TMEM165: variants seen among roughly 807,000 people sequenced by gnomAD.
TMEM165 encodes transmembrane protein 165, also known as putative divalent cation/proton antiporter TMEM165.
Under a neutral mutation model 30.0 loss-of-function variants are expected in TMEM165, and 19 were observed. The observed-to-expected ratio is 0.63, with a 90% CI of 0.44 to 0.93. The LOEUF is 0.93. Among genes scored for constraint, TMEM165 ranks in the 40% least tolerant of loss-of-function variants. The pLI, the probability that TMEM165 is intolerant of heterozygous loss-of-function variation, is 0.00. For synonymous variants in TMEM165, 168 were observed against 162.9 expected (o/e 1.03, Z -0.24); for missense variants, 340 against 417.0 (o/e 0.82, Z 1.61).
At chr4:55,443,976 G>T in intron 3 of TMEM165, 1 of 1,286,782 alleles carries the variant, frequency 7.8e-7, no homozygotes, top group Non-Finnish European at 1.1e-6. Flanking sequence ...GCAAAATCAA[G>T]CTACAAAGTA....
rs977061 is a variant in TMEM165 at position 55,399,494 on chromosome 4, T to C, written c.207+3098T>C. 4.2e-3 allele frequency among the ~76,000 whole-genome samples: 647 copies of C among 152,320 alleles called. 6 individuals are homozygous for C. The highest frequency in any genetic ancestry group is 0.015 in the African/African-American group (619 of 41,566). Reference sequence around the variant, plus strand: ...ATTTATTTTAAAACAATAACTATTTTGGATTAAGTTAATTGTGTGAGTGAG... The same window carrying C: ...ATTTATTTTAAAACAATAACTATTTCGGATTAAGTTAATTGTGTGAGTGAG... On this transcript the variant is annotated intron_variant, in intron 1 of 5. Transcript: ENST00000381334.
intron 1 of TMEM165, chr4:55,403,094 A>G: frequency 2.6e-6 from 1 of 378,830 alleles, no homozygotes; most frequent in Non-Finnish European, 4.6e-6. Context: ...CCGGCCCCTA[A>G]AAAAAGCTTT....
At chr4:55,444,315 T>C (rs1403816791) in intron 3 of TMEM165, among the ~76,000 whole-genome samples, 1 of 152,214 alleles carries the variant, frequency 6.6e-6, no homozygotes, top group East Asian at 1.9e-4. Flanking sequence ...GATTGATTTA[T>C]AAATTCTGTA....
At chr4:55,417,655 G>GT in intron 3 of TMEM165, 148 bp from the exon 4 acceptor site, 1 of 656,200 alleles carries the variant, frequency 1.5e-6, no homozygotes, top group South Asian at 2.0e-5. Flanking sequence ...GAGACCAGTG[G>GT]TTCAGAGGGG....
intron 1 of TMEM165, among the ~76,000 whole-genome samples, chr4:55,405,628 T>C (rs1288919223): frequency 6.6e-6 from 1 of 152,224 alleles, no homozygotes; most frequent in Non-Finnish European, 1.5e-5. Flanking sequence ...CCATCTTTGA[T>C]TCCCCCCATC....
At chr4:55,401,935 G>A (rs1721013453) in intron 1 of TMEM165, among the ~76,000 whole-genome samples, 1 of 149,778 alleles carries the variant, frequency 6.7e-6, no homozygotes, top group African/African-American at 2.5e-5. Context: ...TGGCCAACAT[G>A]ATGAAACCCC....
chr4:55,440,580 CT>C (rs1406872422), intron 3 of TMEM165, among the ~76,000 whole-genome samples: 1 of 152,082 alleles, frequency 6.6e-6, no homozygotes, highest in Non-Finnish European at 1.5e-5. Context: ...CAACCAAATA[CT>C]TTAATGCAAA....
chr4:55,404,460 C>T (rs1015471293), intron 1 of TMEM165, among the ~76,000 whole-genome samples: 1 of 152,068 alleles, frequency 6.6e-6, no homozygotes, highest in Non-Finnish European at 1.5e-5. Context: ...GGGTCTTGCT[C>T]TGTCGCCCTG....
intron 1 of TMEM165, among the ~76,000 whole-genome samples, chr4:55,406,947 A>G (rs1379300481): frequency 6.6e-6 from 1 of 152,248 alleles, no homozygotes; most frequent in Non-Finnish European, 1.5e-5. Context: ...TGAGCCACTG[A>G]GCCCAGCCGA....
chr4:55,413,746 T>C (rs1721607537), intron 2 of TMEM165, among the ~76,000 whole-genome samples: 1 of 152,266 alleles, frequency 6.6e-6, no homozygotes, highest in Non-Finnish European at 1.5e-5. Context: ...TAACATTTTA[T>C]CCCATTTGTT....
At chr4:55,399,542 C>T (rs528939801) in intron 1 of TMEM165, among the ~76,000 whole-genome samples, 3 of 152,156 alleles carry the variant, frequency 2.0e-5, no homozygotes, top group African/African-American at 7.2e-5. Flanking sequence ...TGTAACTTTG[C>T]AGGTATTTTG....
chr4:55,449,517 A>G, intron 3 of TMEM165: 1 of 1,550,626 alleles, frequency 6.4e-7, no homozygotes, highest in Non-Finnish European at 8.9e-7. Context: ...CAAAATCAGA[A>G]GAGCATTAGT....
At chr4:55,405,850 T>C (rs1721248733) in intron 1 of TMEM165, among the ~76,000 whole-genome samples, 1 of 152,264 alleles carries the variant, frequency 6.6e-6, no homozygotes, top group Non-Finnish European at 1.5e-5. Context: ...CCCTCTTGCC[T>C]CTGAGCTTGT....
intron 3 of TMEM165, chr4:55,448,875 C>T (rs777978337): frequency 1.2e-6 from 2 of 1,605,912 alleles, no homozygotes; most frequent in African/African-American, 2.7e-5. Context: ...TGGACTAGAG[C>T]AAAATAAAAA....
chr4:55,416,983 A>C, intron 2 of TMEM165, 89 bp from the exon 3 acceptor site: 1 of 1,182,316 alleles, frequency 8.5e-7, no homozygotes, highest in Non-Finnish European at 1.2e-6. Context: ...TTTTCTTTTA[A>C]CAGTGATAAA....
downstream of TMEM165, chr4:55,430,366 A>T (rs560589360): frequency 6.6e-6 from 1 of 152,326 alleles, no homozygotes; most frequent in African/African-American, 2.4e-5. Context: ...TTTAAGAAAA[A>T]CAAGGAATGT....
chr4:55,451,858 A>G (rs1270055858), intron 3 of TMEM165, among the ~76,000 whole-genome samples: 1 of 152,126 alleles, frequency 6.6e-6, no homozygotes, highest in Non-Finnish European at 1.5e-5. Flanking sequence ...GAAAGCAGGG[A>G]AGTTGTTTGC....
At chr4:55,448,510 A>G (rs1724074724) in intron 3 of TMEM165, among the ~76,000 whole-genome samples, 1 of 152,044 alleles carries the variant, frequency 6.6e-6, no homozygotes, top group African/African-American at 2.4e-5. Context: ...CATTACAACA[A>G]TCAAAAATGT....
intron 3 of TMEM165, chr4:55,443,812 C>A (rs1012091632): frequency 1.2e-6 from 2 of 1,613,992 alleles, no homozygotes; most frequent in Non-Finnish European, 8.5e-7. Context: ...TTTATAGGTG[C>A]AAGTTGCTGG....
Sources: allele counts gnomAD v4.1 joint callset (sites outside exome capture counted in the v4.1 genomes callset), GRCh38; gene constraint gnomAD v4.1.1; transcripts MANE v1.5; gene names NCBI Gene and HGNC (gene_info 2026-07-23, HGNC 2026-07-21).